The following MINDY4 variants were observed in gnomAD, a reference collection of about 807,000 sequenced individuals.
MINDY4 encodes the protein probable ubiquitin carboxyl-terminal hydrolase MINDY-4.
A neutral mutation model predicts 87.0 loss-of-function variants in MINDY4; 68 were observed. The observed-to-expected ratio is 0.78, with a 90% CI of 0.64 to 0.96. The LOEUF (loss-of-function observed/expected upper bound fraction) is 0.96. Among genes scored for constraint, MINDY4 ranks in the 40% least tolerant of loss-of-function variants. MINDY4 has a pLI of 0.00. For synonymous variants in MINDY4, 379 were observed against 363.2 expected (o/e 1.04, Z -0.50); for missense variants, 919 against 928.2 (o/e 0.99, Z 0.13).
chr7:30,813,789 C>T (rs1788075885), intron 5 of MINDY4, among the ~76,000 whole-genome samples: 1 of 152,230 alleles, frequency 6.6e-6, no homozygotes, highest in East Asian at 1.9e-4. Flanking sequence ...ATTTGCAAAG[C>T]TAACTTGGGT....
At chr7:30,850,325 G>A in intron 9 of MINDY4, 129 bp from the exon 10 acceptor site, 2 of 803,110 alleles carry the variant, frequency 2.5e-6, no homozygotes, top group Non-Finnish European at 2.0e-6. Flanking sequence ...GGCTGCAGGT[G>A]GCCCCTCTGC....
At chr7:30,820,717 T>A (rs1486556633) in intron 5 of MINDY4, among the ~76,000 whole-genome samples, 1 of 152,254 alleles carries the variant, frequency 6.6e-6, no homozygotes, top group Non-Finnish European at 1.5e-5. Context: ...TATGGATATA[T>A]AACATTTTAT....
intron 13 of MINDY4, among the ~76,000 whole-genome samples, chr7:30,865,184 C>T (rs964378741): frequency 3.3e-5 from 5 of 152,210 alleles, no homozygotes; most frequent in African/African-American, 7.2e-5. Flanking sequence ...CTCACTTGCC[C>T]TCTCTCACCT....
chr7:30,854,098 T>TC (rs983289985), intron 12 of MINDY4, among the ~76,000 whole-genome samples: 4 of 152,164 alleles, frequency 2.6e-5, no homozygotes, highest in African/African-American at 9.7e-5. Flanking sequence ...AGCTGTGGTA[T>TC]CACAGACTCT....
chr7:30,790,609 A>AT (rs890118607), intron 4 of MINDY4, among the ~76,000 whole-genome samples: 3 of 151,628 alleles, frequency 2.0e-5, no homozygotes, highest in Admixed American at 6.6e-5. Context: ...AAGCCTGGCT[A>AT]TTTTTTTGTA....
At chr7:30,860,691 T>C (rs111946193) in intron 13 of MINDY4, among the ~76,000 whole-genome samples, 8,025 of 152,106 alleles carry the variant, frequency 0.053, 364 homozygotes, top group East Asian at 0.11. Flanking sequence ...TGGTGGTCAC[T>C]GGGAGTGGGC....
At chr7:30,787,410 G>C (rs746526563) in intron 4 of MINDY4, among the ~76,000 whole-genome samples, 3 of 152,204 alleles carry the variant, frequency 2.0e-5, no homozygotes, top group Non-Finnish European at 2.9e-5. Context: ...TAATCTTGTG[G>C]GAGGTTGGCA....
At chr7:30,873,092 T>C (rs969345156) in intron 14 of MINDY4, among the ~76,000 whole-genome samples, 1 of 152,210 alleles carries the variant, frequency 6.6e-6, no homozygotes, top group African/African-American at 2.4e-5. Context: ...CGCCCAGCTC[T>C]GGAAACCTAC....
rs140406823 is a variant in MINDY4, at chr7:30,890,322, G to A, written c.2226-1635G>A. ...GGACTGCGTCTTGTGTCTAGACTAG[G>A]ATGAACGTGACATCCTTACATTCCC... is the stretch of plus-strand genomic sequence containing the variant. On this transcript the variant is annotated intron_variant, in intron 17 of 17. Transcript: ENST00000265299. Among the ~76,000 whole-genome samples the A allele has an allele frequency of 1.1e-4, 16 of 152,346 alleles. 1 individual carries two copies. In the East Asian group the frequency reaches 3.1e-3, roughly 29 times the overall value.
chr7:30,853,909 G>C (rs1789492971), intron 12 of MINDY4, among the ~76,000 whole-genome samples: 2 of 152,352 alleles, frequency 1.3e-5, no homozygotes, highest in African/African-American at 4.8e-5. Context: ...GGAGGGCTTA[G>C]CAGTGTGATA....
intron 6 of MINDY4, among the ~76,000 whole-genome samples, chr7:30,829,816 T>G (rs750236249): frequency 6.6e-6 from 1 of 152,190 alleles, no homozygotes; most frequent in Non-Finnish European, 1.5e-5. Context: ...TGAAAGCTGC[T>G]TGTGTTTGGA....
intron 3 of MINDY4, 113 bp from the exon 4 acceptor site, chr7:30,785,636 C>T: frequency 7.7e-7 from 1 of 1,298,598 alleles, no homozygotes. Context: ...TAGAAGTCAT[C>T]ATAGATTTAT....
At chr7:30,864,945 T>C (rs1310979055) in intron 13 of MINDY4, among the ~76,000 whole-genome samples, 1 of 152,092 alleles carries the variant, frequency 6.6e-6, no homozygotes, top group Non-Finnish European at 1.5e-5. Context: ...GGGTGGTTCG[T>C]GGGGTGAGAT....
intron 5 of MINDY4, among the ~76,000 whole-genome samples, chr7:30,809,070 A>T (rs553799270): frequency 2.0e-5 from 3 of 152,158 alleles, no homozygotes; most frequent in Non-Finnish European, 4.4e-5. Flanking sequence ...AAAAAAAAAC[A>T]GTGTACCCTA....
intron 13 of MINDY4, among the ~76,000 whole-genome samples, chr7:30,871,151 T>C (rs981344656): frequency 1.3e-5 from 2 of 152,180 alleles, no homozygotes; most frequent in African/African-American, 4.8e-5. Flanking sequence ...CCCAGGGTCA[T>C]GTGCAGAAGT....
chr7:30,865,426 G>T (rs1029632109), intron 13 of MINDY4, among the ~76,000 whole-genome samples: 2 of 152,240 alleles, frequency 1.3e-5, no homozygotes, highest in African/African-American at 4.8e-5. Context: ...ACCCACGGGG[G>T]CATGGATGCC....
chr7:30,870,018 T>A (rs1790053892), intron 13 of MINDY4, among the ~76,000 whole-genome samples: 1 of 152,188 alleles, frequency 6.6e-6, no homozygotes, highest in African/African-American at 2.4e-5. Context: ...ATAAATCTCT[T>A]AAACCATAAG....
At chr7:30,836,827 T>C (rs1297883422) in intron 7 of MINDY4, 63 bp downstream of exon 7, 11 of 1,284,290 alleles carry the variant, frequency 8.6e-6, no homozygotes, top group Non-Finnish European at 1.2e-5. Context: ...GATGGCGTGA[T>C]TTTGGTGTTT....
intron 17 of MINDY4, among the ~76,000 whole-genome samples, chr7:30,887,622 G>A (rs564561740): frequency 5.3e-5 from 8 of 152,320 alleles, no homozygotes; most frequent in South Asian, 2.1e-4. Flanking sequence ...CTGGGAGGGC[G>A]GGGCCACTCC....
Sources: allele counts gnomAD v4.1 joint callset (sites outside exome capture counted in the v4.1 genomes callset), GRCh38; gene constraint gnomAD v4.1.1; transcripts MANE v1.5; gene names NCBI Gene and HGNC (gene_info 2026-07-23, HGNC 2026-07-21).